Variants in UNC13C observed in about 807,000 individuals in gnomAD.
UNC13C encodes the protein protein unc-13 homolog C.
Under a neutral mutation model 245.4 loss-of-function variants are expected in UNC13C, and 174 were observed. That is an observed-to-expected ratio of 0.71 (90% CI 0.63 to 0.80). UNC13C has a LOEUF of 0.80. Ranked by LOEUF, UNC13C falls within the 30% of genes least tolerant of loss-of-function variation. The probability of loss-of-function intolerance (pLI) is 0.00; values close to 1 mark genes in which losing one functional copy is unlikely to be tolerated. For synonymous variants in UNC13C, 992 were observed against 895.1 expected (o/e 1.11, Z -1.93); for missense variants, 2,829 against 2,602.9 (o/e 1.09, Z -1.89).
the UNC13C span, among the ~76,000 whole-genome samples, chr15:53,959,984 G>A: frequency 6.1e-3 from 929 of 152,040 alleles, 17 homozygotes; most frequent in Non-Finnish European, 5.7e-3. Flanking sequence ...AGAACTCCTG[G>A]GATAAGCATT....
chr15:54,410,491 A>G (rs1434455527), intron 18 of UNC13C, among the ~76,000 whole-genome samples: 2 of 151,974 alleles, frequency 1.3e-5, no homozygotes, highest in African/African-American at 2.4e-5. Context: ...CTGGGTTCTT[A>G]TAGTTTCCAG....
chr15:53,876,445 G>A, the UNC13C span, among the ~76,000 whole-genome samples: 3 of 152,184 alleles, frequency 2.0e-5, no homozygotes, highest in East Asian at 3.8e-4. Context: ...TAGCAATTCA[G>A]AGGCTCCATG....
chr15:54,384,812 TA>T (rs2039802646), intron 17 of UNC13C, among the ~76,000 whole-genome samples: 1 of 151,836 alleles, frequency 6.6e-6, no homozygotes, highest in Non-Finnish European at 1.5e-5. Context: ...AACATCTCAA[TA>T]GTAAAAAATA....
chr15:53,948,401 G>A, the UNC13C span: 2 of 152,124 alleles, frequency 1.3e-5, no homozygotes, highest in Non-Finnish European at 2.9e-5. Flanking sequence ...CGGATCATGA[G>A]GCCAGGAGAT....
chr15:54,490,279 A>G (rs186335968), intron 19 of UNC13C, among the ~76,000 whole-genome samples: 1 of 152,316 alleles, frequency 6.6e-6, no homozygotes, highest in African/African-American at 2.4e-5. Flanking sequence ...CTTTAGAAAG[A>G]TTTAGGTATC....
the UNC13C span, among the ~76,000 whole-genome samples, chr15:53,854,401 G>C: frequency 3.0e-3 from 460 of 151,990 alleles, 3 homozygotes; most frequent in Admixed American, 5.0e-3. Flanking sequence ...TTACAGGTGT[G>C]AGCCACCATG....
chr15:54,068,909 T>C (rs1420174207), intron 2 of UNC13C, among the ~76,000 whole-genome samples: 1 of 152,184 alleles, frequency 6.6e-6, no homozygotes, highest in African/African-American at 2.4e-5. Flanking sequence ...ATTTTAGGCA[T>C]TCTGAAATAA....
chr15:54,507,294 A>T (rs1451709789), intron 23 of UNC13C, 100 bp downstream of exon 23: 11 of 771,704 alleles, frequency 1.4e-5, no homozygotes, highest in Non-Finnish European at 2.3e-5. Context: ...CAGTTTTCAC[A>T]TAGGATAATA....
intron 19 of UNC13C, among the ~76,000 whole-genome samples, chr15:54,425,240 T>C (rs2040735882): frequency 1.3e-5 from 2 of 151,190 alleles, no homozygotes; most frequent in South Asian, 2.1e-4. Context: ...GATGGCAGAG[T>C]TCAATGACAC....
chr15:53,846,582 T>A, the UNC13C span, among the ~76,000 whole-genome samples: 1 of 152,208 alleles, frequency 6.6e-6, no homozygotes, highest in Admixed American at 6.5e-5. Context: ...AAATAAATTT[T>A]TGTAGGCTAC....
At chr15:54,331,659 TAAA>T (rs1302268344) in intron 14 of UNC13C, among the ~76,000 whole-genome samples, 1 of 152,100 alleles carries the variant, frequency 6.6e-6, no homozygotes, top group Non-Finnish European at 1.5e-5. Context: ...AGTACAGGAA[TAAA>T]AAGAAGAATG....
chr15:54,169,277 ATGGCTATACG>A (rs1172478926), intron 4 of UNC13C, among the ~76,000 whole-genome samples: 1 of 152,216 alleles, frequency 6.6e-6, no homozygotes, highest in Non-Finnish European at 1.5e-5. Flanking sequence ...AATGCATCTG[ATGGCTATACG>A]TTTACATTTC....
chr15:54,455,187 C>A (rs867212004), intron 19 of UNC13C, among the ~76,000 whole-genome samples: 30 of 43,052 alleles, frequency 7.0e-4, no homozygotes, highest in Non-Finnish European at 1.1e-3. Flanking sequence ...CTCTCTCTCT[C>A]TCTCTCTCTC....
intron 2 of UNC13C, among the ~76,000 whole-genome samples, chr15:54,016,945 C>A (rs1285242192): frequency 6.6e-6 from 1 of 152,160 alleles, no homozygotes; most frequent in African/African-American, 2.4e-5. Context: ...ATAATAATAT[C>A]TGCAGCCAGT....
intron 4 of UNC13C, among the ~76,000 whole-genome samples, chr15:54,143,906 TAA>T (rs35391302): frequency 0.34 from 51,326 of 151,900 alleles, 10,643 homozygotes; most frequent in Non-Finnish European, 0.46. Context: ...ATTATATATA[TAA>T]GTCAAAATCA....
the UNC13C span, among the ~76,000 whole-genome samples, chr15:53,965,558 ATTTATTTAT>A: frequency 1.5e-5 from 2 of 133,806 alleles, no homozygotes; most frequent in African/African-American, 6.2e-5. Context: ...TTATTTATTT[ATTTATTTAT>A]TTATTATTAT....
intron 4 of UNC13C, among the ~76,000 whole-genome samples, chr15:54,170,718 C>A (rs891138542): frequency 1.3e-5 from 2 of 152,126 alleles, no homozygotes; most frequent in African/African-American, 2.4e-5. Context: ...CGATACTCTG[C>A]TAGAGAGAAC....
In UNC13C at chr15:54,623,828, C is replaced by A. The variant is rs747706179; in HGVS notation, c.6233C>A (p.Thr2078Lys). The part of the protein sequence containing the change: ...IAINDLNWQT[T>K]AMFRPFVEVC... ...ATTAATGACCTAAACTGGCAGACCA[C>A]AGCAATGTTCCGCCCCTTTGTGGAA... Residue 2078 changes from threonine to lysine, a missense_variant, in exon 32 of 33, where the codon ACA (threonine) becomes AAA (lysine). Coordinates refer to ENST00000260323, the MANE Select transcript of UNC13C (RefSeq NM_001080534.3). 2 of 1,613,026 alleles carry A rather than the reference C, an allele frequency of 1.2e-6. No homozygotes were observed. The highest frequency in any genetic ancestry group is 3.3e-5 in the Admixed American group (2 of 59,836).
At chr15:54,177,888 T>C (rs1024726062) in intron 4 of UNC13C, among the ~76,000 whole-genome samples, 2 of 152,134 alleles carry the variant, frequency 1.3e-5, no homozygotes, top group African/African-American at 4.8e-5. Flanking sequence ...ATGTAGGCAG[T>C]ATTATTAAAC....
Sources: gnomAD v4.1 joint callset for allele counts (sites outside exome capture counted in the v4.1 genomes callset) on GRCh38, gnomAD v4.1.1 for gene constraint, MANE v1.5 for transcripts, NCBI Gene and HGNC (gene_info 2026-07-23, HGNC 2026-07-21) for gene names.